The following WRN variants were observed in gnomAD, a reference collection of about 807,000 sequenced individuals.
WRN encodes the protein WRN RecQ like helicase, also known as bifunctional 3'-5' exonuclease/ATP-dependent helicase WRN.
A neutral mutation model predicts 180.7 loss-of-function variants in WRN; 149 were observed. The ratio of observed to expected loss-of-function variants is 0.82; its 90% CI spans 0.72 to 0.94. WRN has a LOEUF of 0.94. WRN is among the 40% of genes least tolerant of loss of function. The pLI is 0.00. For synonymous variants in WRN, 548 were observed against 568.9 expected, an observed-to-expected ratio of 0.96 and a Z score of 0.52; for missense variants, 1,661 against 1,700.1, an observed-to-expected ratio of 0.98 and a Z score of 0.40.
At position 31,167,180 on chromosome 8, in the gene WRN, A is replaced by T; in HGVS notation, c.4141A>T (p.Ile1381Phe). The T allele has an allele frequency of 6.2e-7, 1 of 1,613,306 alleles. No individual in the cohort carries two copies. Among genetic ancestry groups the T allele is most frequent in the Non-Finnish European group, 8.5e-7 (1 of 1,179,446 alleles). ...KRRCFPGSEE[I>F]CSSSKRSKEE... is the part of the protein sequence containing the mutation. ...GAGATGTTTTCCCGGTTCTGAAGAG[A>T]TCTGTTCAAGTTCTAAGAGAAGCAA... Residue 1381 changes from isoleucine to phenylalanine, a missense_variant, in exon 34 of 35, where the codon ATC becomes TTC. By Grantham distance (21) the Ile-to-Phe change is conservative. Coordinates refer to ENST00000298139, the MANE Select transcript of WRN (RefSeq NM_000553.6).
chr8:31,117,019 T>C (rs1309679528), intron 20 of WRN, among the ~76,000 whole-genome samples: 1 of 152,186 alleles, frequency 6.6e-6, no homozygotes, highest in Non-Finnish European at 1.5e-5. Flanking sequence ...GTGGAACCGT[T>C]AGAGACTTGA....
At chr8:31,111,034 A>G (rs1331938737) in intron 18 of WRN, among the ~76,000 whole-genome samples, 1 of 152,188 alleles carries the variant, frequency 6.6e-6, no homozygotes, top group Non-Finnish European at 1.5e-5. Context: ...CGTTTCATTT[A>G]TACATATTTC....
rs549139099 is a variant in WRN at position 31,105,278 on chromosome 8, A to G, written c.2088+4323A>G. On this transcript the variant is annotated intron_variant, in intron 18 of 34. Coordinates refer to ENST00000298139, the MANE Select transcript of WRN (RefSeq NM_000553.6). ...CTTTTTCTTGAAATAATTCTTTAGT[A>G]GTCACATAGGACAGCACACACTCAT... Among the ~76,000 whole-genome samples, 83 of 152,256 alleles carry G rather than the reference A, an allele frequency of 5.5e-4. 1 individual carries two copies. In the South Asian group the frequency reaches 0.017, roughly 31 times the overall value.
intron 17 of WRN, among the ~76,000 whole-genome samples, chr8:31,097,531 T>C (rs1255439527): frequency 6.6e-6 from 1 of 152,182 alleles, no homozygotes; most frequent in Non-Finnish European, 1.5e-5. Context: ...CGTGTAAATA[T>C]AGAATTAGTC....
chr8:31,065,452 A>G (rs1438458439), intron 5 of WRN, among the ~76,000 whole-genome samples: 2 of 151,958 alleles, frequency 1.3e-5, no homozygotes, highest in Non-Finnish European at 1.5e-5. Flanking sequence ...TTTTCTTATC[A>G]TTTAGCTCCC....
At chr8:31,168,002 T>C (rs1225045073) in intron 34 of WRN, among the ~76,000 whole-genome samples, 1 of 152,102 alleles carries the variant, frequency 6.6e-6, no homozygotes, top group East Asian at 1.9e-4. Flanking sequence ...GGTGATTATT[T>C]TGTATTAGAG....
chr8:31,108,038 G>A (rs1405223089), intron 18 of WRN, among the ~76,000 whole-genome samples: 1 of 152,164 alleles, frequency 6.6e-6, no homozygotes, highest in Non-Finnish European at 1.5e-5. Context: ...TTTAGAAGCA[G>A]GTGGGATACT....
intron 1 of WRN, among the ~76,000 whole-genome samples, chr8:31,039,735 G>T (rs73579547): frequency 0.018 from 2,799 of 152,108 alleles, 69 homozygotes; most frequent in African/African-American, 0.064. Flanking sequence ...TTTATTCCTA[G>T]TTTTCTGAGT....
At chr8:31,084,406 T>G (rs2553267) in intron 10 of WRN, among the ~76,000 whole-genome samples, 22,002 of 152,142 alleles carry the variant, frequency 0.14, 2,096 homozygotes, top group East Asian at 0.29. Context: ...AGAAGTAAAA[T>G]AACTTTTTTT....
chr8:31,103,173 A>G (rs1800946917), intron 18 of WRN, among the ~76,000 whole-genome samples: 1 of 152,206 alleles, frequency 6.6e-6, no homozygotes, highest in Admixed American at 6.5e-5. Context: ...ATCTGTGATA[A>G]CAATGCCTTC....
At position 31,058,443 on chromosome 8, in the gene WRN, C is replaced by T; in HGVS notation, c.-5C>T. The T allele has an allele frequency of 6.2e-7, 1 of 1,612,534 alleles. No individual in the cohort carries two copies. The highest frequency in any genetic ancestry group is 8.5e-7 in the Non-Finnish European group (1 of 1,179,190). On this transcript the variant is annotated 5_prime_UTR_variant, in exon 2 of 35. Transcript: ENST00000298139. ...TTTGGACTCTGCAAATAGGACATTT[C>T]AAAGATGAGTGAAAAAAAATTGGAA... is the stretch of plus-strand genomic sequence containing the variant.
Position 31,175,286 on chromosome 8 carries a change from T to G in WRN, c.*2184T>G, listed in dbSNP as rs112288911. Among the ~76,000 whole-genome samples, 2,017 of 152,012 alleles carry G rather than the reference T, an allele frequency of 0.013. 46 individuals carry two copies. The highest frequency in any genetic ancestry group is 0.046 in the African/African-American group (1,911 of 41,470). ...CCCGTCTCTACTAAAAATACAAAAA[T>G]TAGCTGGGTGTGTTGGTGCGTGCCT... On this transcript the variant is annotated 3_prime_UTR_variant, in exon 35 of 35. Coordinates refer to ENST00000298139, the MANE Select transcript of WRN (RefSeq NM_000553.6).
At chr8:31,113,015 G>A (rs1801376924) in intron 19 of WRN, among the ~76,000 whole-genome samples, 1 of 151,918 alleles carries the variant, frequency 6.6e-6, no homozygotes. Flanking sequence ...AGACCAGCCT[G>A]GGCAACATGG....
At chr8:31,171,722 G>A (rs1804108574) in intron 34 of WRN, 1 of 152,142 alleles carries the variant, frequency 6.6e-6, no homozygotes, top group Admixed American at 6.5e-5. Flanking sequence ...TAAAGTTTCA[G>A]AGTCTTCTGC....
At chr8:31,097,153 G>A (rs1383400326) in intron 17 of WRN, among the ~76,000 whole-genome samples, 4 of 152,146 alleles carry the variant, frequency 2.6e-5, no homozygotes, top group African/African-American at 7.2e-5. Context: ...TTTCCCCAGT[G>A]CAGTGCTTGG....
intron 7 of WRN, 40 bp downstream of exon 7, chr8:31,068,367 T>C (rs1056220276): frequency 1.3e-6 from 2 of 1,514,508 alleles, no homozygotes; most frequent in African/African-American, 1.4e-5. Flanking sequence ...ATTCACTCTT[T>C]TGTGAGGTTT....
chr8:31,048,988 G>A (rs1326500480), intron 1 of WRN, among the ~76,000 whole-genome samples: 2 of 151,774 alleles, frequency 1.3e-5, no homozygotes, highest in East Asian at 3.9e-4. Flanking sequence ...AGTTTCTGCA[G>A]TATAGTTAAA....
chr8:31,062,409 A>ATTT (rs3056741), intron 3 of WRN, among the ~76,000 whole-genome samples: 54 of 139,722 alleles, frequency 3.9e-4, no homozygotes, highest in Admixed American at 1.9e-3. Flanking sequence ...ATTTTCTTCA[A>ATTT]TTTTTTTTTT....
intron 33 of WRN, 49 bp downstream of exon 33, chr8:31,157,579 A>G: frequency 6.2e-7 from 1 of 1,608,476 alleles, no homozygotes; most frequent in Non-Finnish European, 8.5e-7. Flanking sequence ...GATGAAGTAA[A>G]CAAGCAATCC....
Sources: gnomAD v4.1 joint callset for allele counts (sites outside exome capture counted in the v4.1 genomes callset) on GRCh38, gnomAD v4.1.1 for gene constraint, MANE v1.5 for transcripts, NCBI Gene and HGNC (gene_info 2026-07-23, HGNC 2026-07-21) for gene names.